Variants in CLASRP observed in about 807,000 individuals in gnomAD.
CLASRP encodes CLK4-associating serine/arginine rich protein.
Under a neutral mutation model 99.9 loss-of-function variants are expected in CLASRP, and 52 were observed. The ratio of observed to expected loss-of-function variants is 0.52; its 90% confidence interval spans 0.42 to 0.66. The LOEUF (loss-of-function observed/expected upper bound fraction) is 0.66, where lower values mean the gene tolerates loss of function less well. CLASRP is among the 30% of genes least tolerant of loss of function. CLASRP has a pLI of 0.00. For missense variants in CLASRP, 848 were observed against 999.2 expected (o/e 0.85, Z 2.04); for synonymous variants, 379 against 373.0 (o/e 1.02, Z -0.18).
At chr19:45,053,034 C>T in intron 4 of CLASRP, 64 bp from the exon 5 acceptor site, 1 of 1,591,004 alleles carries the variant, frequency 6.3e-7, no homozygotes. Context: ...CATTTCCCTT[C>T]CTGCTGGCTT....
rs575364068 is a variant in CLASRP, at chr19:45,052,883, T to C, written c.290T>C (p.Leu97Pro). The C allele has an allele frequency of 2.5e-6, 4 of 1,607,460 alleles. No individual in the cohort carries two copies. In the South Asian group the frequency reaches 4.4e-5, roughly 18 times the overall value. ...ATCCCCGACTACACCCCCCCTCTGC[T>C]CACCACCATGTAAGCCACCTCCCAG... Reference protein sequence around the residue: ...DHIPDYTPPLLTTISPEQESD... With the variant: ...DHIPDYTPPLPTTISPEQESD... Residue 97 changes from leucine (L) to proline (P), a missense_variant, in exon 4 of 21, where the codon CTC (leucine) becomes CCC (proline). Transcript: ENST00000221455.
chr19:45,068,334 AC>A, intron 15 of CLASRP, 85 bp from the exon 16 acceptor site: 2 of 231,736 alleles, frequency 8.6e-6, no homozygotes, highest in Non-Finnish European at 8.2e-6. Context: ...CCCCCCCCGC[AC>A]AAAGCCCCAG....
intron 11 of CLASRP, among the ~76,000 whole-genome samples, chr19:45,063,169 G>GTT (rs553960474): frequency 9.4e-5 from 14 of 148,446 alleles, no homozygotes; most frequent in African/African-American, 3.5e-4. Context: ...AAACACGTTT[G>GTT]TTTTTTTTTT....
At position 45,058,023 on chromosome 19, in the gene CLASRP, G is replaced by A; in HGVS notation, c.613+125G>A. 4.0e-6 allele frequency: 5 copies of A among 1,244,988 alleles called. No homozygotes were observed. In the South Asian group the frequency reaches 7.1e-5, roughly 18 times the overall value. 77.1% of individuals were successfully genotyped at this position (1,244,988 alleles called of 1,614,324 possible). A position where few individuals can be genotyped will look rare whatever the true frequency, so the allele number is the denominator to read the frequency against. Reference sequence around the variant, plus strand: ...GTCTCTCTCCCTACCCCGCCCCAGGGCACACCAGCCTCCTGCTGCCCCTGT... The same window carrying A: ...GTCTCTCTCCCTACCCCGCCCCAGGACACACCAGCCTCCTGCTGCCCCTGT... On this transcript the variant is annotated intron_variant, in intron 7 of 20. Transcript: ENST00000221455.
In CLASRP at chr19:45,058,170, G is replaced by A. The variant is rs943346122; in HGVS notation, c.613+272G>A. On this transcript the variant is annotated intron_variant, in intron 7 of 20. Transcript: ENST00000221455. ...GGCTCCATTCTCCTCCACTTGGGCCGGCCTCTCTCTGCCTTTGCCCCTCTC... is the reference window on the plus strand; with the variant it reads ...GGCTCCATTCTCCTCCACTTGGGCCAGCCTCTCTCTGCCTTTGCCCCTCTC... 4.2e-5 allele frequency: 20 copies of A among 476,602 alleles called. 1 individual carries two copies. The South Asian group carries it at 4.2e-4, about 10-fold the overall frequency. 29.5% of individuals were successfully genotyped at this position (476,602 alleles called of 1,614,324 possible). A position where few individuals can be genotyped will look rare whatever the true frequency, so the allele number is the denominator to read the frequency against.
chr19:45,066,622 C>CAA (rs35834419), intron 13 of CLASRP, among the ~76,000 whole-genome samples: 304 of 18,614 alleles, frequency 0.016, 24 homozygotes, highest in African/African-American at 0.051. Flanking sequence ...GAGACTGTCT[C>CAA]AAAAAAAAAA....
chr19:45,066,279 C>G (rs1416822587), intron 13 of CLASRP, among the ~76,000 whole-genome samples: 1 of 151,968 alleles, frequency 6.6e-6, no homozygotes, highest in Non-Finnish European at 1.5e-5. Context: ...GCCACCACAC[C>G]TGGCTAATTT....
chr19:45,045,313 C>T (rs574444380), intron 2 of CLASRP, among the ~76,000 whole-genome samples: 307 of 152,288 alleles, frequency 2.0e-3, no homozygotes, highest in African/African-American at 7.2e-3. Context: ...CCCAGGAGTT[C>T]GAGAACAGCC....
rs559563064 is a variant in CLASRP, at chr19:45,058,812, G to A, written c.614-456G>A. 8.6e-5 allele frequency among the ~76,000 whole-genome samples: 13 copies of A among 151,372 alleles called. No homozygotes were observed. In the South Asian group the frequency reaches 1.1e-3, roughly 12 times the overall value. On this transcript the variant is annotated intron_variant, in intron 7 of 20. Coordinates refer to ENST00000221455, the MANE Select transcript of CLASRP (RefSeq NM_007056.3). ...ACCCACACCCTGCCTGCCACCCACC[G>A]TGATCTCCAGCCGCCATCTTTCCGC... is the stretch of plus-strand genomic sequence containing the variant.
intron 2 of CLASRP, among the ~76,000 whole-genome samples, chr19:45,042,669 G>A (rs890447620): frequency 2.0e-5 from 3 of 151,422 alleles, no homozygotes; most frequent in African/African-American, 7.3e-5. Flanking sequence ...CTGGAGTGCA[G>A]TGGCATGATG....
rs1280468474 is a variant in CLASRP at position 45,067,644 on chromosome 19, G to A, written c.1667+50G>A. 2.7e-6 allele frequency: 4 copies of A among 1,496,036 alleles called. No homozygotes were observed. Among genetic ancestry groups the A allele is most frequent in the Non-Finnish European group, 3.6e-6 (4 of 1,104,156 alleles). The allele number at this position is 1,496,036 out of a possible 1,614,324, so 92.7% of individuals were successfully genotyped here. Reference sequence around the variant, plus strand: ...GAGGGCTGCCAATCTCGGGTGGGGAGGGTGAACATCACTGTTTTCTTTTTG... The same window carrying A: ...GAGGGCTGCCAATCTCGGGTGGGGAAGGTGAACATCACTGTTTTCTTTTTG... On this transcript the variant is annotated intron_variant, in intron 14 of 20. Transcript: ENST00000221455. This position sits in a 1 kb window ranked among gnomAD's most constrained non-coding sequence, Gnocchi z 4.9.
At chr19:45,070,235 G>A (rs564460305) in intron 19 of CLASRP, 131 bp downstream of exon 19, 3 of 697,908 alleles carry the variant, frequency 4.3e-6, no homozygotes, top group South Asian at 1.6e-5. Context: ...GGGAGGCTGA[G>A]GTGGGTGGAT....
chr19:45,040,268 A>G lies in CLASRP; in HGVS notation c.56A>G (p.Tyr19Cys). The G allele has an allele frequency of 6.2e-7, 1 of 1,612,494 alleles. No individual in the cohort carries two copies. The highest frequency in any genetic ancestry group is 2.2e-5 in the East Asian group (1 of 44,860). The change falls in exon 2 of 21, where the codon TAC becomes TGC. Residue 19 changes from tyrosine (Y) to cysteine (C), a missense_variant. Tyr to Cys is a radical substitution (Grantham distance 194). Transcript: ENST00000221455. The stretch of plus-strand genomic sequence containing the variant: ...AAGCTTCGAGGCATGATGGTCGACT[A>G]CAAGAAGAGGGCGGAGCGGAGACGG... ...ERKLRGMMVD[Y>C]KKRAERRREY...
chr19:45,052,866 C>T lies in CLASRP; in HGVS notation c.273C>T (p.Asp91=), dbSNP rs982456123. ...DVRAHLDHIP[D]YTPPLLTTIS... ...GTGCCCACCTGGACCACATCCCCGA[C>T]TACACCCCCCCTCTGCTCACCACCA... is the stretch of plus-strand genomic sequence containing the variant. Residue 91 remains aspartate, a synonymous_variant, in exon 4 of 21, where the codon GAC becomes GAT. Transcript: ENST00000221455. The T allele has an allele frequency of 6.2e-7, 1 of 1,611,818 alleles. No individual in the cohort carries two copies.
At chr19:45,050,151 A>C (rs752658800) in intron 2 of CLASRP, among the ~76,000 whole-genome samples, 1 of 136,320 alleles carries the variant, frequency 7.3e-6, no homozygotes, top group Non-Finnish European at 1.5e-5. Context: ...AGGGGAGGGA[A>C]GAAATCAGAG....
At chr19:45,065,432 G>C (rs1285242785) in intron 13 of CLASRP, among the ~76,000 whole-genome samples, 2 of 150,700 alleles carry the variant, frequency 1.3e-5, no homozygotes, top group South Asian at 4.2e-4. Flanking sequence ...GTGGTGGCAC[G>C]CGCATGTAGT....
At chr19:45,061,272 C>A (rs1257723630) in intron 10 of CLASRP, among the ~76,000 whole-genome samples, 1 of 152,172 alleles carries the variant, frequency 6.6e-6, no homozygotes, top group Admixed American at 6.5e-5. Context: ...CGGAAACATT[C>A]CTTAAAGAAT....
At position 45,060,414 on chromosome 19, in the gene CLASRP, G is replaced by T; in HGVS notation, c.736G>T (p.Ala246Ser). Reference sequence around the variant, plus strand: ...GATGCTCCGGAAAGACAAGGAGGAGGCAGAGGCCATCAAGCATGCCAAGGC... The same window carrying T: ...GATGCTCCGGAAAGACAAGGAGGAGTCAGAGGCCATCAAGCATGCCAAGGC... ...VRMLRKDKEE[A>S]EAIKHAKALE... The change falls in exon 9 of 21, where the codon GCA (alanine) becomes TCA (serine). Residue 246 changes from alanine to serine, a missense_variant. Around this residue, in one of 8 missense-constraint regions of CLASRP, gnomAD observed 119 missense variants for 170.2 expected, o/e 0.70. Coordinates refer to ENST00000221455, the MANE Select transcript of CLASRP (RefSeq NM_007056.3). This position sits in a 1 kb window ranked among gnomAD's most constrained non-coding sequence, Gnocchi z 4.6. 6.2e-7 allele frequency: 1 copy of T among 1,614,134 alleles called. No homozygotes were observed. Among genetic ancestry groups the T allele is most frequent in the Non-Finnish European group, 8.5e-7 (1 of 1,180,008 alleles).
intron 2 of CLASRP, among the ~76,000 whole-genome samples, chr19:45,046,028 A>G (rs1240464659): frequency 5.9e-5 from 9 of 152,092 alleles, no homozygotes; most frequent in East Asian, 1.9e-4. Flanking sequence ...ACCAATGTCT[A>G]TGGGTGCTTT....
Sources: allele counts gnomAD v4.1 joint callset (sites outside exome capture counted in the v4.1 genomes callset), GRCh38; gene constraint gnomAD v4.1.1; regional missense constraint gnomAD v4.1.1; non-coding constraint Gnocchi (gnomAD v3.1); transcripts MANE v1.5; gene names NCBI Gene and HGNC (gene_info 2026-07-23, HGNC 2026-07-21).